Variants in SLC4A9 observed in about 807,000 individuals in gnomAD.
The protein encoded by SLC4A9 is anion exchange protein 4.
SLC4A9 carries 102 observed loss-of-function variants against 103.2 expected under a neutral mutation model. That is an observed-to-expected ratio of 0.99 (90% CI 0.84 to 1.17). The LOEUF is 1.17. Among genes scored for constraint, SLC4A9 ranks in the 50% most tolerant of loss-of-function variants. The probability of loss-of-function intolerance (pLI) is 0.00; values close to 1 mark genes in which losing one functional copy is unlikely to be tolerated. For synonymous variants in SLC4A9, 453 were observed against 483.6 expected (o/e 0.94, Z 0.83); for missense variants, 1,091 against 1,193.7 (o/e 0.91, Z 1.27).
In SLC4A9 at chr5:140,369,914, A is replaced by G. The variant is rs143178471; in HGVS notation, c.2428-1181A>G. Among the ~76,000 whole-genome samples, 1,004 of 152,176 alleles carry G rather than the reference A, an allele frequency of 6.6e-3. 5 individuals carry two copies. The highest frequency in any genetic ancestry group is 0.011 in the Non-Finnish European group (716 of 68,000). ...CTACTTGGGAGGCTAAGGTGGGAGC[A>G]TCACTTGAGCCCAGGAGGTCTAGGC... is the stretch of plus-strand genomic sequence containing the variant. On this transcript the variant is annotated intron_variant, in intron 17 of 21. Coordinates refer to ENST00000506757, the MANE Select transcript of SLC4A9 (RefSeq NM_031467.3).
In SLC4A9 at chr5:140,365,348, G is replaced by A. The variant is rs1177744315; in HGVS notation, c.1652-172G>A. Reference sequence around the variant, plus strand: ...AGATGGGTAGAGAATTTGAGAGGATGGGGGCATGAGACAATGTCCTTCTCG... The same window carrying A: ...AGATGGGTAGAGAATTTGAGAGGATAGGGGCATGAGACAATGTCCTTCTCG... On this transcript the variant is annotated intron_variant, in intron 11 of 21. Transcript: ENST00000506757. Among the ~76,000 whole-genome samples the A allele has an allele frequency of 2.0e-5, 3 of 152,208 alleles. No homozygotes were observed. The East Asian group carries it at 5.8e-4, about 29-fold the overall frequency.
chr5:140,369,691 G>A (rs888617246), intron 17 of SLC4A9, among the ~76,000 whole-genome samples: 6 of 152,232 alleles, frequency 3.9e-5, no homozygotes, highest in Middle Eastern at 3.4e-3. Flanking sequence ...CTCATTTACA[G>A]ACATTTACAG....
At position 140,368,604 on chromosome 5, in the gene SLC4A9, G is replaced by A. The variant is rs769862352; in HGVS notation, c.2372G>A (p.Gly791Asp). 1.9e-6 allele frequency: 3 copies of A among 1,613,182 alleles called. No individual in the cohort carries two copies. Among genetic ancestry groups the A allele is most frequent in the Admixed American group, 3.3e-5 (2 of 59,968 alleles). ...FLGIREQRLTGLVVFILTGAS... is the reference protein window; with the variant it reads ...FLGIREQRLTDLVVFILTGAS... ...CCCCACAGGGAACAGAGGCTGACAG[G>A]CCTGGTGGTGTTCATCCTTACAGGA... Residue 791 changes from glycine (G) to aspartate (D), a missense_variant, in exon 17 of 22, where the codon GGC becomes GAC. Gly to Asp is a moderately conservative substitution (Grantham distance 94, BLOSUM62 -1). Transcript: ENST00000506757.
At chr5:140,370,783 T>C (rs1287162201) in intron 17 of SLC4A9, 1 of 343,188 alleles carries the variant, frequency 2.9e-6, no homozygotes, top group African/African-American at 2.1e-5. Flanking sequence ...GCGGTTAGTA[T>C]AGTGGGAGCA....
Position 140,371,615 on chromosome 5 carries a change from C to T in SLC4A9, c.2661C>T (p.Phe887=). 1 of 1,614,008 alleles carries T rather than the reference C, an allele frequency of 6.2e-7. No individual in the cohort carries two copies. The change falls in exon 19 of 22, where the codon TTC becomes TTT. Residue 887 remains phenylalanine (F), a synonymous_variant. Coordinates refer to ENST00000506757, the MANE Select transcript of SLC4A9 (RefSeq NM_031467.3). ...IIKSTPAAII[F]PLMLLGLVGV... ...AGTCTACCCCTGCAGCCATCATCTT[C>T]CCCCTCATGGTAAGCTGAGGCAGGG...
At chr5:140,361,693 G>C (rs1387206443) in intron 3 of SLC4A9, 115 bp from the exon 4 acceptor site, 3 of 1,148,132 alleles carry the variant, frequency 2.6e-6, no homozygotes, top group Non-Finnish European at 3.9e-6. Flanking sequence ...GCTCAGAGTG[G>C]AGAAGGGTAT....
chr5:140,367,691 AT>A (rs1561608121), intron 15 of SLC4A9, 28 bp from the exon 16 acceptor site: 2 of 1,612,620 alleles, frequency 1.2e-6, no homozygotes, highest in Middle Eastern at 1.7e-4. Flanking sequence ...GGCTAGCTTC[AT>A]CCTCATTGCC....
At chr5:140,370,562 T>A (rs1768562608) in intron 17 of SLC4A9, among the ~76,000 whole-genome samples, 1 of 152,006 alleles carries the variant, frequency 6.6e-6, no homozygotes, top group Non-Finnish European at 1.5e-5. Flanking sequence ...GAAGATAAGA[T>A]GATTAAGAGT....
At position 140,371,562 on chromosome 5, in the gene SLC4A9, G is replaced by T. The variant is rs1332869267; in HGVS notation, c.2608G>T (p.Ala870Ser). 1 of 1,614,054 alleles carries T rather than the reference G, an allele frequency of 6.2e-7. No homozygotes were observed. The highest frequency in any genetic ancestry group is 1.7e-5 in the Admixed American group (1 of 60,022). Residue 870 changes from alanine (A) to serine (S), a missense_variant, in exon 19 of 22, where the codon GCC (alanine) becomes TCC (serine). Ala to Ser is a moderately conservative substitution (Grantham distance 99). Coordinates refer to ENST00000506757, the MANE Select transcript of SLC4A9 (RefSeq NM_031467.3). The part of the protein sequence containing the change: ...RVHLFTAIQL[A>S]CLGLLWIIKS... Reference sequence around the variant, plus strand: ...CCACCTCTTCACAGCCATCCAGCTTGCCTGTCTGGGGCTGCTTTGGATAAT... The same window carrying T: ...CCACCTCTTCACAGCCATCCAGCTTTCCTGTCTGGGGCTGCTTTGGATAAT...
chr5:140,371,704 G>A (rs1278462953), intron 19 of SLC4A9, 80 bp downstream of exon 19: 4 of 1,491,500 alleles, frequency 2.7e-6, no homozygotes, highest in East Asian at 2.3e-5. Context: ...AGGCCTCCAC[G>A]AGAGGAAGAA....
chr5:140,372,849 G>T lies in SLC4A9; in HGVS notation c.*45+6G>T. On this transcript the variant is annotated splice_donor_region_variant and intron_variant, in intron 21 of 21. Transcript: ENST00000506757. ...ACCCCAGGAAACAGCATGAGGTGAG[G>T]GTGTGAGGGAAGTGCTCCTGATGTT... 6.8e-7 allele frequency: 1 copy of T among 1,476,464 alleles called. No individual in the cohort carries two copies. 91.5% of individuals were successfully genotyped at this position (1,476,464 alleles called of 1,614,324 possible). A position where few individuals can be genotyped will look rare whatever the true frequency, so the allele number is the denominator to read the frequency against.
chr5:140,365,908 T>C lies in SLC4A9; in HGVS notation c.1785T>C (p.Pro595=), dbSNP rs1415622890. 6.2e-7 allele frequency: 1 copy of C among 1,613,936 alleles called. No individual in the cohort carries two copies. The highest frequency in any genetic ancestry group is 8.5e-7 in the Non-Finnish European group (1 of 1,179,902). Residue 595 remains proline, a synonymous_variant, in exon 13 of 22, where the codon CCT becomes CCC. Transcript: ENST00000506757. The part of the protein sequence containing the change: ...CTRQGGHPRG[P]GCHTVPDIAF... ...GGCAGGGAGGCCACCCTCGTGGCCCTGGCTGTCATACAGTCCCAGACATTG... is the reference window on the plus strand; with the variant it reads ...GGCAGGGAGGCCACCCTCGTGGCCCCGGCTGTCATACAGTCCCAGACATTG...
At chr5:140,362,849 T>C (rs1385735054) in intron 6 of SLC4A9, 63 bp from the exon 7 acceptor site, 3 of 1,599,234 alleles carry the variant, frequency 1.9e-6, no homozygotes, top group Non-Finnish European at 1.7e-6. Context: ...GTTTTGAGAC[T>C]ATGAAAATGC....
chr5:140,360,536 C>G (rs1351771111), intron 1 of SLC4A9, 70 bp downstream of exon 1: 9 of 1,405,180 alleles, frequency 6.4e-6, no homozygotes, highest in Non-Finnish European at 8.8e-6. Context: ...ATATGTCCCC[C>G]AGCGCTTCTT....
rs866511308 is a variant in SLC4A9 at position 140,362,184 on chromosome 5, C to G, written c.719+10C>G. 1 of 1,519,092 alleles carries G rather than the reference C, an allele frequency of 6.6e-7. No individual in the cohort carries two copies. The allele number at this position is 1,519,092 out of a possible 1,614,324, so 94.1% of individuals were successfully genotyped here. A position where few individuals can be genotyped will look rare whatever the true frequency, so the allele number is the denominator to read the frequency against. ...TGTCCCTCCCAAGCAGGTGAGGCTA[C>G]TGAGTGAGTGGGAGTCAGGGATCCC... On this transcript the variant is annotated intron_variant, in intron 5 of 21. Transcript: ENST00000506757.
rs1767333831 is a variant in SLC4A9 at position 140,363,024 on chromosome 5, C to T, written c.920C>T (p.Ala307Val). ...VLPPGRWDPTARIPPPKCLPS... is the reference protein window; with the variant it reads ...VLPPGRWDPTVRIPPPKCLPS... Reference sequence around the variant, plus strand: ...CCCCCAGGTCGGTGGGACCCAACAGCCCGGATTCCCCCGCCCAAATGTCTG... The same window carrying T: ...CCCCCAGGTCGGTGGGACCCAACAGTCCGGATTCCCCCGCCCAAATGTCTG... The change falls in exon 7 of 22, where the codon GCC becomes GTC. Residue 307 changes from alanine (A) to valine (V), a missense_variant. Coordinates refer to ENST00000506757, the MANE Select transcript of SLC4A9 (RefSeq NM_031467.3). This position sits in a 1 kb window ranked among gnomAD's most constrained non-coding sequence, Gnocchi z 4.5. 6.2e-7 allele frequency: 1 copy of T among 1,613,070 alleles called. No individual in the cohort carries two copies. Among genetic ancestry groups the T allele is most frequent in the Non-Finnish European group, 8.5e-7 (1 of 1,179,692 alleles).
At chr5:140,360,726 C>T (rs1377504747) in intron 1 of SLC4A9, 86 bp from the exon 2 acceptor site, 1 of 1,586,456 alleles carries the variant, frequency 6.3e-7, no homozygotes, top group Non-Finnish European at 8.6e-7. Flanking sequence ...CCCTCATTGC[C>T]TTGCCTTCCC....
intron 21 of SLC4A9, among the ~76,000 whole-genome samples, chr5:140,374,330 C>A (rs1370224227): frequency 6.6e-6 from 1 of 151,088 alleles, no homozygotes; most frequent in South Asian, 2.1e-4. Context: ...GAGGCCGAGG[C>A]GGGTGGATTA....
intron 21 of SLC4A9, among the ~76,000 whole-genome samples, chr5:140,373,711 C>G (rs1769066702): frequency 6.6e-6 from 1 of 152,198 alleles, no homozygotes; most frequent in Non-Finnish European, 1.5e-5. Context: ...CCCAGGACTT[C>G]AAGCTGTAGT....
Sources: gnomAD v4.1 joint callset for allele counts (sites outside exome capture counted in the v4.1 genomes callset) on GRCh38, gnomAD v4.1.1 for gene constraint, Gnocchi (gnomAD v3.1) non-coding constraint, MANE v1.5 for transcripts, NCBI Gene and HGNC (gene_info 2026-07-23, HGNC 2026-07-21) for gene names.